KIF5B: variants seen among roughly 807,000 people sequenced by gnomAD.
KIF5B encodes kinesin family member 5B.
In KIF5B, 49 loss-of-function variants were observed where a neutral mutation model predicts 132.8. The observed-to-expected ratio is 0.37, with a 90% CI of 0.29 to 0.47. The LOEUF is 0.47. KIF5B is among the 20% of genes least tolerant of loss of function. KIF5B has a pLI of 1.00. For synonymous variants in KIF5B, 355 were observed against 369.4 expected, an observed-to-expected ratio of 0.96 and a Z score of 0.45; for missense variants, 780 against 1,144.0, an observed-to-expected ratio of 0.68 and a Z score of 4.59.
chr10:32,018,575 GA>G lies in KIF5B; in HGVS notation c.2307-14del. ...ATCTTGCATAACCCTAACAGTAGAA[GA>G]ACAAACATATATTTTCAAATTTTAT... On this transcript the variant is annotated splice_polypyrimidine_tract_variant and intron_variant, in intron 20 of 25. Coordinates refer to ENST00000302418, the MANE Select transcript of KIF5B (RefSeq NM_004521.3). The G allele has an allele frequency of 6.3e-7, 1 of 1,586,924 alleles. No homozygotes were observed. Among genetic ancestry groups the G allele is most frequent in the Non-Finnish European group, 8.6e-7 (1 of 1,167,560 alleles).
chr10:32,031,428 A>G lies in KIF5B; in HGVS notation c.1375-149T>C, dbSNP rs541300799. 1.8e-3 allele frequency: 1,179 copies of G among 650,296 alleles called. 1 individual carries two copies. Among genetic ancestry groups the G allele is most frequent in the Non-Finnish European group, 2.8e-3 (1,076 of 378,220 alleles). The allele number at this position is 650,296 out of a possible 1,614,324, so 40.3% of individuals were successfully genotyped here. A position where few individuals can be genotyped will look rare whatever the true frequency, so the allele number is the denominator to read the frequency against. ...TTTATTCATTAAACAGATTTACTAAATGTCAACTATGTGCAGGCACTGTGC... is the reference window on the plus strand; with the variant it reads ...TTTATTCATTAAACAGATTTACTAAGTGTCAACTATGTGCAGGCACTGTGC... On this transcript the variant is annotated intron_variant, in intron 13 of 25. Coordinates refer to ENST00000302418, the MANE Select transcript of KIF5B (RefSeq NM_004521.3).
At chr10:32,017,425 T>TATGAAATGC in intron 23 of KIF5B, 66 bp from the exon 24 acceptor site, 1 of 1,221,666 alleles carries the variant, frequency 8.2e-7, no homozygotes. Context: ...GTATGAGCAT[T>TATGAAATGC]TCATAATTGC....
At chr10:32,034,942 A>T (rs1841445763) in intron 10 of KIF5B, 104 bp from the exon 11 acceptor site, 2 of 841,450 alleles carry the variant, frequency 2.4e-6, no homozygotes, top group Non-Finnish European at 3.3e-6. Flanking sequence ...ATGCTTGTCC[A>T]GTAATCTCTT....
rs1039013371 is a variant in KIF5B, at chr10:32,010,112, A to G, written c.*1425T>C. On this transcript the variant is annotated 3_prime_UTR_variant, in exon 26 of 26. Transcript: ENST00000302418. Reference sequence around the variant, plus strand: ...ACTTTTGCAAAAAGTTAATTCTGCCAGCAAGATCCTAACACAGAACTTTCC... The same window carrying G: ...ACTTTTGCAAAAAGTTAATTCTGCCGGCAAGATCCTAACACAGAACTTTCC... 2.0e-5 allele frequency: 3 copies of G among 152,198 alleles called. No homozygotes were observed. The highest frequency in any genetic ancestry group is 6.5e-5 in the Admixed American group (1 of 15,284). The allele number at this position is 152,198 out of a possible 1,614,324, so 9.4% of individuals were successfully genotyped here.
chr10:32,047,060 G>A (rs1405967934), intron 2 of KIF5B, among the ~76,000 whole-genome samples: 1 of 152,154 alleles, frequency 6.6e-6, no homozygotes, highest in Non-Finnish European at 1.5e-5. Context: ...TACTGAAAGT[G>A]AAAAACAGAA....
Position 32,033,834 on chromosome 10 carries a change from G to A in KIF5B, c.1305+11C>T. ...CTAATATAAAGCAGACCTAAATCAA[G>A]CAATACCTACCTTGTCATCAAGCTG... On this transcript the variant is annotated intron_variant, in intron 12 of 25. Transcript: ENST00000302418. 2 of 1,591,836 alleles carry A rather than the reference G, an allele frequency of 1.3e-6. No homozygotes were observed. The highest frequency in any genetic ancestry group is 4.5e-5 in the East Asian group (2 of 44,598).
Position 32,056,104 on chromosome 10 carries a change from T to G in KIF5B, c.-131A>C. ...AGCAGTCAGCTGCGCCGCGCTGCGCTTCCCCGGGTGGAGGCGGCCGGGGAG... is the reference window on the plus strand; with the variant it reads ...AGCAGTCAGCTGCGCCGCGCTGCGCGTCCCCGGGTGGAGGCGGCCGGGGAG... On this transcript the variant is annotated 5_prime_UTR_variant, in exon 1 of 26. Coordinates refer to ENST00000302418, the MANE Select transcript of KIF5B (RefSeq NM_004521.3). 1 of 1,170,450 alleles carries G rather than the reference T, an allele frequency of 8.5e-7. No individual in the cohort carries two copies. The allele number at this position is 1,170,450 out of a possible 1,614,324, so 72.5% of individuals were successfully genotyped here. A position where few individuals can be genotyped will look rare whatever the true frequency, so the allele number is the denominator to read the frequency against.
At chr10:32,055,724 C>T in intron 1 of KIF5B, 124 bp downstream of exon 1, 1 of 1,339,200 alleles carries the variant, frequency 7.5e-7, no homozygotes, top group Admixed American at 2.4e-5. Context: ...ACCGGCAAAC[C>T]CCGCCGGGGA....
intron 6 of KIF5B, 109 bp downstream of exon 6, chr10:32,038,054 G>T (rs1275283202): frequency 6.8e-6 from 4 of 590,628 alleles, no homozygotes; most frequent in Admixed American, 6.0e-5. Context: ...AGGTTGCAGT[G>T]AGCCGAGATT....
intron 19 of KIF5B, 86 bp downstream of exon 19, chr10:32,020,936 G>GCT: frequency 6.4e-6 from 4 of 626,160 alleles, no homozygotes; most frequent in Admixed American, 6.0e-5. Flanking sequence ...TAATTTTGAT[G>GCT]AAAACTGCAG....
chr10:32,032,742 T>C lies in KIF5B; in HGVS notation c.1338A>G (p.Val446=), dbSNP rs200051319. ...DEEINQQSQL[V]EKLKTQMLDQ... Reference sequence around the variant, plus strand: ...CCAACATTTGCGTCTTCAGTTTCTCTACCAGTTGACTTTGCTGGTTAATTT... The same window carrying C: ...CCAACATTTGCGTCTTCAGTTTCTCCACCAGTTGACTTTGCTGGTTAATTT... The change falls in exon 13 of 26, where the codon GTA becomes GTG. Residue 446 remains valine (V), a synonymous_variant. Transcript: ENST00000302418. 53 of 1,614,044 alleles carry C rather than the reference T, an allele frequency of 3.3e-5. No homozygotes were observed. The African/African-American group carries it at 5.3e-4, about 16-fold the overall frequency.
intron 7 of KIF5B, 56 bp from the exon 8 acceptor site, chr10:32,037,434 T>C: frequency 6.2e-7 from 1 of 1,600,034 alleles, no homozygotes; most frequent in Non-Finnish European, 8.5e-7. Context: ...CTTAACAATT[T>C]CCCTGAAGCA....
intron 24 of KIF5B, among the ~76,000 whole-genome samples, chr10:32,016,564 C>T (rs558140933): frequency 6.6e-6 from 1 of 152,308 alleles, no homozygotes; most frequent in African/African-American, 2.4e-5. Context: ...TCTCGCTCGT[C>T]ACCCAGGCCG....
intron 2 of KIF5B, among the ~76,000 whole-genome samples, chr10:32,043,903 G>A (rs1027128596): frequency 4.6e-5 from 7 of 152,036 alleles, no homozygotes. Context: ...ATCCCAGCTG[G>A]CCCATCATTC....
chr10:32,053,795 T>C (rs1278406679), intron 1 of KIF5B, among the ~76,000 whole-genome samples: 1 of 151,986 alleles, frequency 6.6e-6, no homozygotes, highest in Non-Finnish European at 1.5e-5. Flanking sequence ...GCTTATCAGC[T>C]TACCTAAAGG....
At chr10:32,055,637 C>G (rs1244517503) in intron 1 of KIF5B, among the ~76,000 whole-genome samples, 1 of 152,164 alleles carries the variant, frequency 6.6e-6, no homozygotes, top group African/African-American at 2.4e-5. Context: ...TCCCGTCTCC[C>G]GGCGCCGAAG....
At chr10:32,048,778 GCCCAGTAATTACAATTATAATT>G (rs1297949690) in intron 1 of KIF5B, among the ~76,000 whole-genome samples, 4 of 151,946 alleles carry the variant, frequency 2.6e-5, no homozygotes, top group South Asian at 4.1e-4. Flanking sequence ...CATTCCCAGG[GCCCAGTAATTACAATTATAATT>G]CCCAGTAATT....
At chr10:32,041,178 G>A (rs1841533840) in intron 2 of KIF5B, among the ~76,000 whole-genome samples, 1 of 150,694 alleles carries the variant, frequency 6.6e-6, no homozygotes, top group Non-Finnish European at 1.5e-5. Flanking sequence ...AATTATTTGT[G>A]GAAAGAGTGG....
chr10:32,034,877 A>C (rs377417250), intron 10 of KIF5B, 39 bp from the exon 11 acceptor site: 2 of 1,491,284 alleles, frequency 1.3e-6, no homozygotes, highest in Admixed American at 2.4e-5. Flanking sequence ...GATGAGACTG[A>C]AATTATTTTT....
Sources: allele counts gnomAD v4.1 joint callset (sites outside exome capture counted in the v4.1 genomes callset), GRCh38; gene constraint gnomAD v4.1.1; transcripts MANE v1.5; gene names NCBI Gene and HGNC (gene_info 2026-07-23, HGNC 2026-07-21).